Variants in FHIP1A observed in about 807,000 individuals in gnomAD.
FHIP1A encodes FHF complex subunit HOOK interacting protein 1A.
Under a neutral mutation model 88.6 loss-of-function variants are expected in FHIP1A, and 61 were observed. The ratio of observed to expected loss-of-function variants is 0.69; its 90% confidence interval spans 0.56 to 0.85. FHIP1A has a LOEUF of 0.85. FHIP1A is among the 40% of genes least tolerant of loss of function. The probability of loss-of-function intolerance (pLI) is 0.00; values close to 1 mark genes in which losing one functional copy is unlikely to be tolerated. For synonymous variants in FHIP1A, 478 were observed against 496.0 expected (o/e 0.96, Z 0.48); for missense variants, 1,154 against 1,273.5 (o/e 0.91, Z 1.43).
chr4:151,518,809 G>A (rs1441151350), intron 3 of FHIP1A, among the ~76,000 whole-genome samples: 3 of 151,730 alleles, frequency 2.0e-5, no homozygotes, highest in African/African-American at 7.3e-5. Flanking sequence ...GCAGGCATGC[G>A]CCACCATGCC....
At chr4:151,559,698 C>T (rs964936549) in intron 3 of FHIP1A, among the ~76,000 whole-genome samples, 4 of 151,950 alleles carry the variant, frequency 2.6e-5, no homozygotes, top group Non-Finnish European at 5.9e-5. Flanking sequence ...AGGGTCTTTT[C>T]AATCATTTAC....
chr4:151,427,184 G>A (rs531254714), intron 1 of FHIP1A, among the ~76,000 whole-genome samples: 1 of 152,060 alleles, frequency 6.6e-6, no homozygotes, highest in South Asian at 2.1e-4. Flanking sequence ...ATAATGCTTA[G>A]GTTGTGACTT....
At chr4:151,610,992 C>T (rs1413998489) in intron 7 of FHIP1A, among the ~76,000 whole-genome samples, 1 of 151,968 alleles carries the variant, frequency 6.6e-6, no homozygotes, top group Non-Finnish European at 1.5e-5. Flanking sequence ...TAGTACATTG[C>T]CAAGTATGTA....
intron 9 of FHIP1A, among the ~76,000 whole-genome samples, chr4:151,644,442 C>T (rs1736711027): frequency 6.6e-6 from 1 of 152,014 alleles, no homozygotes; most frequent in Non-Finnish European, 1.5e-5. Flanking sequence ...GCCTCTATGT[C>T]CTGGGCTCAA....
intron 3 of FHIP1A, among the ~76,000 whole-genome samples, chr4:151,526,819 C>T (rs559467694): frequency 6.7e-6 from 1 of 150,166 alleles, no homozygotes; most frequent in East Asian, 2.0e-4. Context: ...GGGCGGTTGC[C>T]GGGCAGAGGG....
At chr4:151,514,428 G>A (rs1471432121) in intron 3 of FHIP1A, among the ~76,000 whole-genome samples, 1 of 151,426 alleles carries the variant, frequency 6.6e-6, no homozygotes, top group Non-Finnish European at 1.5e-5. Context: ...TCAAAAGCTA[G>A]CAGAAGGCAA....
At chr4:151,573,281 C>CACACACACACACAT (rs1200626290) in intron 4 of FHIP1A, among the ~76,000 whole-genome samples, 1,746 of 151,996 alleles carry the variant, frequency 0.011, 27 homozygotes, top group African/African-American at 0.04. Context: ...AACACACACA[C>CACACACACACACAT]ACACACACAC....
At chr4:151,426,962 G>A (rs561980719) in intron 1 of FHIP1A, among the ~76,000 whole-genome samples, 113 of 152,194 alleles carry the variant, frequency 7.4e-4, no homozygotes, top group Non-Finnish European at 1.3e-3. Flanking sequence ...GCAGAGCACA[G>A]CATTTTTTTT....
rs111388654 is a variant in FHIP1A at position 151,555,756 on chromosome 4, A to G, written c.-122-10382A>G. Among the ~76,000 whole-genome samples, 436 of 152,256 alleles carry G rather than the reference A, an allele frequency of 2.9e-3. 2 individuals are homozygous for G. Among genetic ancestry groups the G allele is most frequent in the African/African-American group, 0.01 (423 of 41,572 alleles). On this transcript the variant is annotated intron_variant, in intron 3 of 13. Transcript: ENST00000435205. ...TATTAGTCACTTTGATAGACTGTTG[A>G]TTTGACTAATTACCCTGAAGGCTGG...
chr4:151,646,464 C>G (rs1000218452), intron 9 of FHIP1A, 94 bp from the exon 10 acceptor site: 3 of 807,812 alleles, frequency 3.7e-6, no homozygotes, highest in Non-Finnish European at 6.0e-6. Flanking sequence ...GAGTCTGCCC[C>G]TGGCCACAAG....
At position 151,607,422 on chromosome 4, in the gene FHIP1A, A is replaced by C. The variant is rs1284554790; in HGVS notation, c.978+18496A>C. On this transcript the variant is annotated intron_variant, in intron 7 of 13. Transcript: ENST00000435205. ...CAGTTTTAGACAGACTAAATTAATAATTTCTCTATCCAGTGACAGCCAGCT... is the reference window on the plus strand; with the variant it reads ...CAGTTTTAGACAGACTAAATTAATACTTTCTCTATCCAGTGACAGCCAGCT... 2.0e-5 allele frequency among the ~76,000 whole-genome samples: 3 copies of C among 152,354 alleles called. No individual in the cohort carries two copies. The East Asian group carries it at 5.8e-4, about 29-fold the overall frequency.
intron 3 of FHIP1A, among the ~76,000 whole-genome samples, chr4:151,541,882 A>T (rs1292806533): frequency 6.6e-6 from 1 of 152,188 alleles, no homozygotes; most frequent in Admixed American, 6.5e-5. Context: ...TTACTACAGT[A>T]CGCCTTTTCG....
chr4:151,665,777 T>G lies in FHIP1A; in HGVS notation c.*3023T>G, dbSNP rs1389802552. ...AAGTAAATCGGCAAGCCCTTAGAAA[T>G]ATCTTTTTTTATAATGAGTTGGGGG... On this transcript the variant is annotated 3_prime_UTR_variant, in exon 14 of 14. Transcript: ENST00000435205. 1.3e-5 allele frequency among the ~76,000 whole-genome samples: 2 copies of G among 152,164 alleles called. No individual in the cohort carries two copies. Among genetic ancestry groups the G allele is most frequent in the South Asian group, 4.1e-4 (2 of 4,828 alleles).
chr4:151,602,059 C>T (rs759727292), intron 7 of FHIP1A, among the ~76,000 whole-genome samples: 51 of 151,966 alleles, frequency 3.4e-4, no homozygotes, highest in Non-Finnish European at 6.0e-4. Flanking sequence ...GGGAAAGACC[C>T]GCCCCCATGA....
At chr4:151,589,870 A>G (rs746844185) in intron 7 of FHIP1A, among the ~76,000 whole-genome samples, 11 of 152,180 alleles carry the variant, frequency 7.2e-5, no homozygotes, top group Non-Finnish European at 1.3e-4. Context: ...CAAGCCAAAC[A>G]GGGTACTTGG....
chr4:151,568,714 T>C (rs1733484357), intron 4 of FHIP1A, among the ~76,000 whole-genome samples: 1 of 152,128 alleles, frequency 6.6e-6, no homozygotes, highest in Non-Finnish European at 1.5e-5. Context: ...TTACAGGAAT[T>C]AAGTCAAGAG....
chr4:151,522,856 A>G (rs563356013), intron 3 of FHIP1A, among the ~76,000 whole-genome samples: 3 of 152,180 alleles, frequency 2.0e-5, no homozygotes, highest in Non-Finnish European at 2.9e-5. Flanking sequence ...AACTAAGAAC[A>G]GTTTGTTCTC....
intron 3 of FHIP1A, among the ~76,000 whole-genome samples, chr4:151,540,764 T>C (rs963106322): frequency 6.6e-6 from 1 of 152,170 alleles, no homozygotes; most frequent in African/African-American, 2.4e-5. Context: ...TGGGTGTGTT[T>C]TGCTCTCCTG....
intron 7 of FHIP1A, among the ~76,000 whole-genome samples, chr4:151,593,790 C>T (rs1734537041): frequency 6.6e-6 from 1 of 152,124 alleles, no homozygotes; most frequent in African/African-American, 2.4e-5. Flanking sequence ...AGAACTTCCA[C>T]TATGATGTTG....
Sources: gnomAD v4.1 joint callset for allele counts (sites outside exome capture counted in the v4.1 genomes callset) on GRCh38, gnomAD v4.1.1 for gene constraint, MANE v1.5 for transcripts, NCBI Gene and HGNC (gene_info 2026-07-23, HGNC 2026-07-21) for gene names.